BBS9: variants seen among roughly 807,000 people sequenced by gnomAD.
BBS9 encodes Bardet-Biedl syndrome 9, also known as protein PTHB1.
In BBS9, 89 loss-of-function variants were observed where a neutral mutation model predicts 117.7. That is an observed-to-expected ratio of 0.76 (90% CI 0.64 to 0.90). The LOEUF is 0.90. Ranked by LOEUF, BBS9 falls within the 40% of genes least tolerant of loss-of-function variation. The probability of loss-of-function intolerance (pLI) is 0.00; values close to 1 mark genes in which losing one functional copy is unlikely to be tolerated. For missense variants in BBS9, 982 were observed against 1,042.2 expected, an observed-to-expected ratio of 0.94 and a Z score of 0.80; for synonymous variants, 379 against 370.9, an observed-to-expected ratio of 1.02 and a Z score of -0.25.
intron 5 of BBS9, among the ~76,000 whole-genome samples, chr7:33,193,625 G>C (rs1439269408): frequency 6.6e-6 from 1 of 152,000 alleles, no homozygotes; most frequent in Non-Finnish European, 1.5e-5. Flanking sequence ...TTGACGGTTG[G>C]ATATCATGCA....
At chr7:33,199,511 T>C (rs1318556619) in intron 5 of BBS9, among the ~76,000 whole-genome samples, 1 of 151,894 alleles carries the variant, frequency 6.6e-6, no homozygotes, top group African/African-American at 2.4e-5. Context: ...TTGAGCTCTT[T>C]GTATTTATCG....
intron 5 of BBS9, among the ~76,000 whole-genome samples, chr7:33,204,690 T>C (rs1786575740): frequency 6.6e-6 from 1 of 152,156 alleles, no homozygotes; most frequent in Non-Finnish European, 1.5e-5. Flanking sequence ...TGGGGTAATA[T>C]TTCAGCCATA....
intron 17 of BBS9, among the ~76,000 whole-genome samples, chr7:33,373,914 T>A (rs1206303190): frequency 1.3e-5 from 2 of 152,234 alleles, no homozygotes; most frequent in African/African-American, 4.8e-5. Context: ...TATGTCATCT[T>A]GAACTGTGTT....
intron 19 of BBS9, among the ~76,000 whole-genome samples, chr7:33,449,325 A>T (rs1417288227): frequency 1.3e-5 from 2 of 152,224 alleles, no homozygotes; most frequent in Non-Finnish European, 2.9e-5. Flanking sequence ...TAGACAATAC[A>T]TCACTAACAG....
chr7:33,457,232 T>C (rs1327965429), intron 19 of BBS9, among the ~76,000 whole-genome samples: 1 of 152,206 alleles, frequency 6.6e-6, no homozygotes, highest in Admixed American at 6.5e-5. Context: ...GCAATCAGCC[T>C]TATAATACTG....
intron 5 of BBS9, among the ~76,000 whole-genome samples, chr7:33,252,087 C>A (rs1796305889): frequency 6.6e-6 from 1 of 152,044 alleles, no homozygotes; most frequent in Admixed American, 6.6e-5. Context: ...AAAGGAGGAG[C>A]ACACATGTCA....
chr7:33,153,696 T>C (rs1393511072), intron 3 of BBS9, among the ~76,000 whole-genome samples: 2 of 152,146 alleles, frequency 1.3e-5, no homozygotes, highest in African/African-American at 2.4e-5. Flanking sequence ...CTCATGAGCA[T>C]TCACATTCTT....
intron 19 of BBS9, among the ~76,000 whole-genome samples, chr7:33,406,637 C>T (rs1830050778): frequency 6.6e-6 from 1 of 151,974 alleles, no homozygotes; most frequent in Admixed American, 6.6e-5. Flanking sequence ...CTGGTGGTGA[C>T]AAAATCTCTC....
chr7:33,410,391 C>T (rs1830896622), intron 19 of BBS9, among the ~76,000 whole-genome samples: 1 of 152,152 alleles, frequency 6.6e-6, no homozygotes, highest in Admixed American at 6.5e-5. Flanking sequence ...GAAATTCATA[C>T]CTCCCTACTC....
intron 5 of BBS9, among the ~76,000 whole-genome samples, chr7:33,254,616 C>A (rs955189380): frequency 2.0e-5 from 3 of 152,148 alleles, no homozygotes; most frequent in Non-Finnish European, 4.4e-5. Context: ...AGAACTTACT[C>A]ATATTATAAC....
intron 20 of BBS9, among the ~76,000 whole-genome samples, chr7:33,529,206 C>T (rs772521496): frequency 1.6e-4 from 25 of 152,210 alleles, no homozygotes; most frequent in Admixed American, 1.0e-3. Context: ...GTAGGAGCCT[C>T]TGCACAGGCT....
At chr7:33,156,974 A>T (rs963816767) in intron 4 of BBS9, among the ~76,000 whole-genome samples, 2 of 151,952 alleles carry the variant, frequency 1.3e-5, no homozygotes, top group African/African-American at 2.4e-5. Context: ...TCTGTTTTTG[A>T]CCGTAAGCCT....
At chr7:33,367,937 A>G in intron 17 of BBS9, 75 bp downstream of exon 17, 1 of 1,150,198 alleles carries the variant, frequency 8.7e-7, no homozygotes, top group Non-Finnish European at 1.3e-6. Flanking sequence ...TACTCACATC[A>G]ATAATTCCTG....
At chr7:33,166,671 C>T (rs902474645) in intron 4 of BBS9, among the ~76,000 whole-genome samples, 2 of 152,200 alleles carry the variant, frequency 1.3e-5, no homozygotes, top group African/African-American at 2.4e-5. Flanking sequence ...CCTAGCCAGG[C>T]GTGGGATCCA....
In BBS9 at chr7:33,157,218, A is replaced by C. The variant is rs1376555737; in HGVS notation, c.328+1516A>C. ...TGCCTCTGGAGTTCCACTGGGGCTT[A>C]GAGCACAGACAAGGGATAAAAAGTG... On this transcript the variant is annotated intron_variant, in intron 4 of 22. Transcript: ENST00000242067. Among the ~76,000 whole-genome samples, 4 of 152,204 alleles carry C rather than the reference A, an allele frequency of 2.6e-5. No homozygotes were observed. The East Asian group carries it at 7.7e-4, about 29-fold the overall frequency.
At chr7:33,565,798 T>TAC (rs1352539627) in intron 21 of BBS9, among the ~76,000 whole-genome samples, 49 of 41,250 alleles carry the variant, frequency 1.2e-3, no homozygotes, top group Non-Finnish European at 1.9e-3. Context: ...TATATATATA[T>TAC]ATATATATAT....
chr7:33,221,993 A>G (rs1790339212), intron 5 of BBS9, among the ~76,000 whole-genome samples: 1 of 152,212 alleles, frequency 6.6e-6, no homozygotes, highest in Non-Finnish European at 1.5e-5. Context: ...AAAGGAAAAT[A>G]CTGTTATATA....
At chr7:33,444,581 A>G (rs1836710070) in intron 19 of BBS9, among the ~76,000 whole-genome samples, 1 of 152,244 alleles carries the variant, frequency 6.6e-6, no homozygotes, top group Admixed American at 6.5e-5. Flanking sequence ...TGTTCACATT[A>G]TACTAAAATG....
At chr7:33,198,669 A>G (rs1440739936) in intron 5 of BBS9, among the ~76,000 whole-genome samples, 1 of 152,002 alleles carries the variant, frequency 6.6e-6, no homozygotes, top group Non-Finnish European at 1.5e-5. Context: ...AGAGGGTGTT[A>G]TAAGGAGGAC....
Sources: allele counts gnomAD v4.1 joint callset (sites outside exome capture counted in the v4.1 genomes callset), GRCh38; gene constraint gnomAD v4.1.1; transcripts MANE v1.5; gene names NCBI Gene and HGNC (gene_info 2026-07-23, HGNC 2026-07-21).